Variants in CPVL observed in about 807,000 individuals in gnomAD.
The protein encoded by CPVL is probable serine carboxypeptidase CPVL.
In CPVL, 51 loss-of-function variants were observed where a neutral mutation model predicts 63.7. That is an observed-to-expected ratio of 0.80 (90% confidence interval 0.64 to 1.01). The LOEUF (loss-of-function observed/expected upper bound fraction) is 1.01, where lower values mean the gene tolerates loss of function less well. CPVL is among the 50% of genes least tolerant of loss of function. The probability of loss-of-function intolerance (pLI) is 0.00; values close to 1 mark genes in which losing one functional copy is unlikely to be tolerated. For synonymous variants in CPVL, 195 were observed against 206.0 expected (o/e 0.95, Z 0.46); for missense variants, 530 against 573.1 (o/e 0.92, Z 0.77).
In CPVL at chr7:29,142,637, C is replaced by G. The variant is rs1381518882; in HGVS notation, c.-11+3792G>C. ...TGCTGCCGGGTTGCAGCGATTCTCC[C>G]GCCTCAGCCTCCTGAGTAGTTGGGA... is the stretch of plus-strand genomic sequence containing the variant. On this transcript the variant is annotated intron_variant, in intron 1 of 12. Transcript: ENST00000265394. Among the ~76,000 whole-genome samples, 3 of 150,884 alleles carry G rather than the reference C, an allele frequency of 2.0e-5. No homozygotes were observed. The East Asian group carries it at 5.9e-4, about 30-fold the overall frequency.
chr7:29,133,696 G>C (rs1790921320), intron 1 of CPVL, among the ~76,000 whole-genome samples: 1 of 152,170 alleles, frequency 6.6e-6, no homozygotes, highest in Non-Finnish European at 1.5e-5. Flanking sequence ...TCTAAAATGA[G>C]AGTAAAGACA....
chr7:29,166,943 C>T (rs1796000050), intron 5 of CPVL, among the ~76,000 whole-genome samples: 1 of 151,892 alleles, frequency 6.6e-6, no homozygotes, highest in African/African-American at 2.4e-5. Context: ...GTTCTGTTTC[C>T]ATTGACTGAT....
intron 1 of CPVL, among the ~76,000 whole-genome samples, chr7:29,129,995 G>A (rs879774662): frequency 1.3e-5 from 2 of 152,166 alleles, no homozygotes; most frequent in South Asian, 2.1e-4. Flanking sequence ...AGGGAAGATC[G>A]TAGCCTACAG....
chr7:29,188,707 G>A (rs1799015325), intron 1 of CPVL, among the ~76,000 whole-genome samples: 1 of 152,084 alleles, frequency 6.6e-6, no homozygotes, highest in African/African-American at 2.4e-5. Flanking sequence ...ATAAGAAAAT[G>A]CCAGCTGTCT....
At chr7:29,161,407 A>G (rs1046985758) in intron 5 of CPVL, among the ~76,000 whole-genome samples, 1 of 151,780 alleles carries the variant, frequency 6.6e-6, no homozygotes, top group Non-Finnish European at 1.5e-5. Flanking sequence ...CTTAGCATGC[A>G]GCAACTTTCA....
At chr7:29,074,877 G>A (rs73684551) in intron 7 of CPVL, among the ~76,000 whole-genome samples, 2,797 of 151,150 alleles carry the variant, frequency 0.019, 81 homozygotes, top group African/African-American at 0.064. Flanking sequence ...CTATATTATG[G>A]AAACCATGAC....
At chr7:29,172,210 A>G (rs1796695492) in intron 5 of CPVL, among the ~76,000 whole-genome samples, 1 of 152,180 alleles carries the variant, frequency 6.6e-6, no homozygotes, top group South Asian at 2.1e-4. Context: ...ACTGTAAATC[A>G]TTAAAACAGC....
Position 29,071,829 on chromosome 7 carries a change from G to T in CPVL, c.808C>A (p.Gln270Lys). ...DEKQKKYFQK[Q>K]CHECIEHIRK... ...ATGTGTTCTATGCATTCATGGCACT[G>T]CTTCTGGAAGTACTTTTTTTGCTTC... Residue 270 changes from glutamine (Q) to lysine (K), a missense_variant, in exon 9 of 13, where the codon CAG (glutamine) becomes AAG (lysine). Physicochemically the swap from Gln to Lys is moderately conservative, Grantham distance 53. Transcript: ENST00000265394. 1 of 1,613,384 alleles carries T rather than the reference G, an allele frequency of 6.2e-7. No homozygotes were observed. Among genetic ancestry groups the T allele is most frequent in the Non-Finnish European group, 8.5e-7 (1 of 1,179,870 alleles).
At chr7:29,152,864 C>A (rs1171448097) in intron 5 of CPVL, among the ~76,000 whole-genome samples, 1 of 152,222 alleles carries the variant, frequency 6.6e-6, no homozygotes, top group Non-Finnish European at 1.5e-5. Context: ...TTTGCAAATT[C>A]TCCTCCATGG....
rs150923638 is a variant in CPVL at position 29,118,577 on chromosome 7, G to C, written c.169+2316C>G. Among the ~76,000 whole-genome samples, 689 of 152,256 alleles carry C rather than the reference G, an allele frequency of 4.5e-3. 4 individuals carry two copies. Among genetic ancestry groups the C allele is most frequent in the African/African-American group, 0.016 (659 of 41,540 alleles). On this transcript the variant is annotated intron_variant, in intron 2 of 12. Transcript: ENST00000265394. ...CCTTAGAAAAGAGATGGTGAAACTT[G>C]AAGCCAATGTGTATTTCAGAAAAAG...
chr7:29,139,474 T>G (rs1283765163), intron 1 of CPVL, among the ~76,000 whole-genome samples: 1 of 149,168 alleles, frequency 6.7e-6, no homozygotes, highest in South Asian at 2.1e-4. Context: ...GCCCTGAACC[T>G]ACACATTTCT....
At chr7:29,001,937 T>G (rs142125948) in intron 12 of CPVL, among the ~76,000 whole-genome samples, 1 of 151,998 alleles carries the variant, frequency 6.6e-6, no homozygotes, top group African/African-American at 2.4e-5. Flanking sequence ...CAGAAAACAA[T>G]AGAAGCTGAA....
At chr7:29,176,998 C>A (rs916636781) in intron 5 of CPVL, among the ~76,000 whole-genome samples, 1 of 151,622 alleles carries the variant, frequency 6.6e-6, no homozygotes, top group East Asian at 1.9e-4. Flanking sequence ...GAAAAAAAAT[C>A]ATTTAATACA....
At chr7:29,002,077 T>C (rs940196850) in intron 12 of CPVL, among the ~76,000 whole-genome samples, 1 of 152,074 alleles carries the variant, frequency 6.6e-6, no homozygotes, top group Admixed American at 6.5e-5. Context: ...CTTTGGGAAA[T>C]TCACCAATTT....
intron 9 of CPVL, among the ~76,000 whole-genome samples, chr7:29,070,082 G>C (rs1350002343): frequency 6.6e-6 from 1 of 152,010 alleles, no homozygotes; most frequent in Non-Finnish European, 1.5e-5. Flanking sequence ...TATTTTCCTT[G>C]AAAAAGCAAA....
In CPVL at chr7:29,067,965, C is replaced by T. The variant is rs193208084; in HGVS notation, c.865-1844G>A. Among the ~76,000 whole-genome samples, 226 of 151,880 alleles carry T rather than the reference C, an allele frequency of 1.5e-3. 1 individual carries two copies. Among genetic ancestry groups the T allele is most frequent in the African/African-American group, 4.4e-3 (182 of 41,414 alleles). On this transcript the variant is annotated intron_variant, in intron 9 of 12. Transcript: ENST00000265394. ...TACTTGCCAATTCCTTCTGGCCATG[C>T]TTCAATGCTTGAGAAAATAGACTAA...
At chr7:29,167,130 G>T (rs1006076005) in intron 5 of CPVL, among the ~76,000 whole-genome samples, 3 of 152,030 alleles carry the variant, frequency 2.0e-5, no homozygotes, top group African/African-American at 7.2e-5. Flanking sequence ...TCCCTACCTT[G>T]ATACACTCAA....
chr7:29,139,629 C>A (rs1180035597), intron 1 of CPVL, among the ~76,000 whole-genome samples: 2 of 152,110 alleles, frequency 1.3e-5, no homozygotes, highest in African/African-American at 2.4e-5. Flanking sequence ...TGGCTTCCAG[C>A]AATTTTTCTC....
At chr7:29,183,786 T>C (rs1351099051) in intron 4 of CPVL, among the ~76,000 whole-genome samples, 1 of 152,096 alleles carries the variant, frequency 6.6e-6, no homozygotes, top group East Asian at 1.9e-4. Flanking sequence ...AGATTAGATA[T>C]AGATTAATAG....
Sources: gnomAD v4.1 joint callset for allele counts (sites outside exome capture counted in the v4.1 genomes callset) on GRCh38, gnomAD v4.1.1 for gene constraint, MANE v1.5 for transcripts, NCBI Gene and HGNC (gene_info 2026-07-23, HGNC 2026-07-21) for gene names.